Variants in TTBK1 observed in about 807,000 individuals in gnomAD.
TTBK1 encodes the protein tau-tubulin kinase 1.
TTBK1 carries 34 observed loss-of-function variants against 108.5 expected under a neutral mutation model. The observed-to-expected ratio is 0.31, with a 90% CI of 0.24 to 0.42. The LOEUF (loss-of-function observed/expected upper bound fraction) is 0.42, where lower values mean the gene tolerates loss of function less well. TTBK1 is among the 10% of genes least tolerant of loss of function. TTBK1 has a pLI of 1.00. For synonymous variants in TTBK1, 809 were observed against 795.1 expected, an observed-to-expected ratio of 1.02 and a Z score of -0.29; for missense variants, 1,539 against 1,826.0, an observed-to-expected ratio of 0.84 and a Z score of 2.86.
intron 13 of TTBK1, among the ~76,000 whole-genome samples, chr6:43,274,447 G>A (rs1230646710): frequency 6.6e-6 from 1 of 152,182 alleles, no homozygotes; most frequent in Non-Finnish European, 1.5e-5. Context: ...GGCAGAAGGA[G>A]CTGTGTAAAT....
Position 43,246,821 on chromosome 6 carries a change from G to A in TTBK1, c.108+53G>A, listed in dbSNP as rs1777101771. 57 of 1,463,310 alleles carry A rather than the reference G, an allele frequency of 3.9e-5. No homozygotes were observed. The South Asian group carries it at 6.8e-4, about 17-fold the overall frequency. 90.6% of individuals were successfully genotyped at this position (1,463,310 alleles called of 1,614,324 possible). On this transcript the variant is annotated intron_variant, in intron 2 of 14. Transcript: ENST00000259750. ...GGAGGGTAGCGGGGAGGGAGGCGAG[G>A]ACCTGGAGACTTGTTAAAACCGGTG...
At position 43,255,238 on chromosome 6, in the gene TTBK1, G is replaced by A. The variant is rs1056851774; in HGVS notation, c.642+124G>A. ...AGGGGCTGCAATCTGCCACCCCAGA[G>A]ACCCTGGGCTGGAGGAAGGCCCCTC... is the stretch of plus-strand genomic sequence containing the variant. On this transcript the variant is annotated intron_variant, in intron 7 of 14. Coordinates refer to ENST00000259750, the MANE Select transcript of TTBK1 (RefSeq NM_032538.3). 1.5e-5 allele frequency: 14 copies of A among 912,986 alleles called. No homozygotes were observed. The East Asian group carries it at 3.7e-4, about 24-fold the overall frequency. 56.6% of individuals were successfully genotyped at this position (912,986 alleles called of 1,614,324 possible).
intron 13 of TTBK1, among the ~76,000 whole-genome samples, chr6:43,277,986 T>A (rs1489535841): frequency 6.6e-6 from 1 of 151,738 alleles, no homozygotes; most frequent in Non-Finnish European, 1.5e-5. Context: ...GAGCCAGGGC[T>A]CACCCTCCTG....
At chr6:43,250,348 C>CTTTTTTTTTT in intron 2 of TTBK1, among the ~76,000 whole-genome samples, 1 of 89,110 alleles carries the variant, frequency 1.1e-5, no homozygotes, top group Non-Finnish European at 2.2e-5. Context: ...CCTGGCTTTG[C>CTTTTTTTTTT]TTTTTTTTTT....
intron 13 of TTBK1, among the ~76,000 whole-genome samples, chr6:43,275,427 G>C (rs576041533): frequency 6.6e-6 from 1 of 152,202 alleles, no homozygotes; most frequent in South Asian, 2.1e-4. Context: ...GCGGCCTTTG[G>C]GTCCCTGGCC....
rs1471222605 is a variant in TTBK1 at position 43,243,745 on chromosome 6, G to A, written c.-55+37G>A. Reference sequence around the variant, plus strand: ...CGGGGCGGGCCGGGGTCGGGGCGGGGGCTCCTTCGTGGGCTCAGGGGGCTC... The same window carrying A: ...CGGGGCGGGCCGGGGTCGGGGCGGGAGCTCCTTCGTGGGCTCAGGGGGCTC... On this transcript the variant is annotated intron_variant, in intron 1 of 14. Transcript: ENST00000259750. The surrounding 1 kb of genome is among the most constrained non-coding windows in gnomAD (Gnocchi z 5.5). 1 of 151,366 alleles carries A rather than the reference G, an allele frequency of 6.6e-6. No individual in the cohort carries two copies. Among genetic ancestry groups the A allele is most frequent in the Non-Finnish European group, 1.5e-5 (1 of 67,352 alleles). 9.4% of individuals were successfully genotyped at this position (151,366 alleles called of 1,614,324 possible). A position where few individuals can be genotyped will look rare whatever the true frequency, so the allele number is the denominator to read the frequency against.
At position 43,263,456 on chromosome 6, in the gene TTBK1, C is replaced by T; in HGVS notation, c.1986+106C>T. On this transcript the variant is annotated intron_variant, in intron 13 of 14. Coordinates refer to ENST00000259750, the MANE Select transcript of TTBK1 (RefSeq NM_032538.3). This position sits in a 1 kb window ranked among gnomAD's most constrained non-coding sequence, Gnocchi z 4.7. The stretch of plus-strand genomic sequence containing the variant: ...CTGGCACTACTGACCAGTAAGCCAG[C>T]AGTCACAGGGCTGTGATGGAGGTAG... 9.0e-7 allele frequency: 1 copy of T among 1,109,884 alleles called. No homozygotes were observed. Among genetic ancestry groups the T allele is most frequent in the Non-Finnish European group, 1.2e-6 (1 of 820,898 alleles). The allele number at this position is 1,109,884 out of a possible 1,614,324, so 68.8% of individuals were successfully genotyped here.
intron 1 of TTBK1, among the ~76,000 whole-genome samples, chr6:43,244,305 A>AT (rs912298725): frequency 3.4e-4 from 52 of 152,118 alleles, no homozygotes; most frequent in African/African-American, 1.2e-3. Context: ...GGGCTCCCAG[A>AT]TTCTCACACA....
In TTBK1 at chr6:43,262,999, C is replaced by T. The variant is rs761600884; in HGVS notation, c.1635C>T (p.Ile545=). The part of the protein sequence containing the change: ...EEDFDSKEWV[I]IDKETELKDF... ...ATTTCGACAGCAAAGAGTGGGTCAT[C>T]ATCGACAAGGAGACGGAGCTCAAGG... is the stretch of plus-strand genomic sequence containing the variant. The change falls in exon 13 of 15, where the codon ATC becomes ATT. Residue 545 remains isoleucine (I), a synonymous_variant. Coordinates refer to ENST00000259750, the MANE Select transcript of TTBK1 (RefSeq NM_032538.3). 6.2e-7 allele frequency: 1 copy of T among 1,611,460 alleles called. No homozygotes were observed. Among genetic ancestry groups the T allele is most frequent in the Admixed American group, 1.7e-5 (1 of 59,680 alleles).
intron 13 of TTBK1, among the ~76,000 whole-genome samples, chr6:43,277,032 G>A (rs897299719): frequency 4.6e-5 from 7 of 152,090 alleles, no homozygotes; most frequent in African/African-American, 1.7e-4. Flanking sequence ...TAGGGGGCTG[G>A]GCCCACCAGG....
intron 1 of TTBK1, among the ~76,000 whole-genome samples, chr6:43,246,310 C>A (rs932642909): frequency 2.0e-5 from 3 of 152,242 alleles, no homozygotes; most frequent in Non-Finnish European, 4.4e-5. Flanking sequence ...CCTTGGTCAG[C>A]AAGTCTTCCT....
Position 43,259,583 on chromosome 6 carries a change from C to G in TTBK1, c.1301C>G (p.Pro434Arg). The G allele has an allele frequency of 3.1e-6, 5 of 1,609,964 alleles. No individual in the cohort carries two copies. Among genetic ancestry groups the G allele is most frequent in the Non-Finnish European group, 4.2e-6 (5 of 1,178,260 alleles). ...CGAGGCATGGGGGTCCCCAGCTCCC[C>G]AGTGCGTGCCCCCCCAGACTCCCCC... ...QSRGMGVPSSPVRAPPDSPTT... is the reference protein window; with the variant it reads ...QSRGMGVPSSRVRAPPDSPTT... The change falls in exon 12 of 15, where the codon CCA becomes CGA. Residue 434 changes from proline to arginine, a missense_variant. Pro to Arg is a moderately radical substitution (Grantham distance 103). Around this residue, in one of 5 missense-constraint regions of TTBK1, gnomAD observed 277 missense variants for 332.4 expected, o/e 0.83. Transcript: ENST00000259750. The surrounding 1 kb of genome is among the most constrained non-coding windows in gnomAD (Gnocchi z 6.7).
At chr6:43,249,362 T>C (rs1777179790) in intron 2 of TTBK1, among the ~76,000 whole-genome samples, 1 of 152,120 alleles carries the variant, frequency 6.6e-6, no homozygotes. Context: ...ATGTAAAATT[T>C]AGCAGGAGTG....
intron 13 of TTBK1, among the ~76,000 whole-genome samples, chr6:43,274,930 T>C (rs1249997755): frequency 1.3e-5 from 2 of 152,098 alleles, no homozygotes; most frequent in South Asian, 2.1e-4. Context: ...GACTCCTTCC[T>C]ACAACCTTCC....
rs769916025 is a variant in TTBK1 at position 43,282,890 on chromosome 6, C to A, written c.2150C>A (p.Thr717Asn). The A allele has an allele frequency of 3.1e-6, 5 of 1,613,592 alleles. No homozygotes were observed. Among genetic ancestry groups the A allele is most frequent in the Non-Finnish European group, 4.2e-6 (5 of 1,179,922 alleles). ...RVGFSHMLLT[T>N]PQVPLAPVQP... ...GGCTTCTCGCACATGCTGCTCACCA[C>A]CCCCCAGGTCCCACTGGCTCCTGTT... Residue 717 changes from threonine to asparagine, a missense_variant, in exon 14 of 15, where the codon ACC (threonine) becomes AAC (asparagine). Transcript: ENST00000259750. This position sits in a 1 kb window ranked among gnomAD's most constrained non-coding sequence, Gnocchi z 5.4.
intron 12 of TTBK1, among the ~76,000 whole-genome samples, chr6:43,262,092 C>T (rs2150694532): frequency 1.3e-5 from 2 of 152,160 alleles, no homozygotes; most frequent in Middle Eastern, 6.8e-3. Flanking sequence ...GGGAGAGGTC[C>T]TGTGGGGAGA....
rs530432867 is a variant in TTBK1, at chr6:43,285,510, A to G, written c.*134A>G. 8.7e-7 allele frequency: 1 copy of G among 1,146,098 alleles called. No individual in the cohort carries two copies. Among genetic ancestry groups the G allele is most frequent in the African/African-American group, 1.6e-5 (1 of 61,718 alleles). 71.0% of individuals were successfully genotyped at this position (1,146,098 alleles called of 1,614,324 possible). On this transcript the variant is annotated 3_prime_UTR_variant, in exon 15 of 15. Transcript: ENST00000259750. The surrounding 1 kb of genome is among the most constrained non-coding windows in gnomAD (Gnocchi z 4.7). The stretch of plus-strand genomic sequence containing the variant: ...CCCGCGGCCCCAGCTTTCCGCCTGC[A>G]CCCGCGAGGACGCGCGCGAGCACAC...
In TTBK1 at chr6:43,269,767, G is replaced by T; in HGVS notation, c.1986+6417G>T. 1.3e-6 allele frequency: 2 copies of T among 1,587,764 alleles called. No individual in the cohort carries two copies. Among genetic ancestry groups the T allele is most frequent in the Non-Finnish European group, 1.7e-6 (2 of 1,171,634 alleles). Reference sequence around the variant, plus strand: ...CATTACCCTCACCCCGGCGGCGGCGGCTCCTCGGGCTCCTCCGGTTCCCTC... The same window carrying T: ...CATTACCCTCACCCCGGCGGCGGCGTCTCCTCGGGCTCCTCCGGTTCCCTC... On this transcript the variant is annotated intron_variant, in intron 13 of 14. Coordinates refer to ENST00000259750, the MANE Select transcript of TTBK1 (RefSeq NM_032538.3). This position sits in a 1 kb window ranked among gnomAD's most constrained non-coding sequence, Gnocchi z 4.8.
chr6:43,279,160 C>T (rs940695354), intron 13 of TTBK1, among the ~76,000 whole-genome samples: 2 of 152,156 alleles, frequency 1.3e-5, no homozygotes, highest in Admixed American at 6.5e-5. Flanking sequence ...CCTCCTCTCT[C>T]CCAGGTAATA....
Sources: allele counts gnomAD v4.1 joint callset (sites outside exome capture counted in the v4.1 genomes callset), GRCh38; gene constraint gnomAD v4.1.1; regional missense constraint gnomAD v4.1.1; non-coding constraint Gnocchi (gnomAD v3.1); transcripts MANE v1.5; gene names NCBI Gene and HGNC (gene_info 2026-07-23, HGNC 2026-07-21).